The following ATP1B3 variants were observed in gnomAD, a reference collection of about 807,000 sequenced individuals.
ATP1B3 encodes the protein sodium/potassium-transporting ATPase subunit beta-3.
A neutral mutation model predicts 30.2 loss-of-function variants in ATP1B3; 10 were observed. The ratio of observed to expected loss-of-function variants is 0.33; its 90% confidence interval spans 0.20 to 0.56. ATP1B3 has a LOEUF of 0.56. ATP1B3 is among the 20% of genes least tolerant of loss of function. The pLI is 0.90. For missense variants in ATP1B3, 238 were observed against 336.7 expected (o/e 0.71, Z 2.29); for synonymous variants, 113 against 117.0 (o/e 0.97, Z 0.22).
intron 5 of ATP1B3, 78 bp downstream of exon 5, chr3:141,916,098 CT>C (rs929839673): frequency 8.0e-5 from 105 of 1,306,796 alleles, no homozygotes; most frequent in South Asian, 2.6e-4. Flanking sequence ...ATTTAGTCAT[CT>C]TTTTTTTCTT....
intron 6 of ATP1B3, among the ~76,000 whole-genome samples, chr3:141,923,140 T>G (rs112891578): frequency 6.6e-6 from 1 of 151,880 alleles, no homozygotes; most frequent in Non-Finnish European, 1.5e-5. Flanking sequence ...TAGCCGGGCA[T>G]AGTGGTGGGT....
chr3:141,894,141 C>T (rs1934013511), intron 1 of ATP1B3, among the ~76,000 whole-genome samples: 1 of 152,124 alleles, frequency 6.6e-6, no homozygotes, highest in African/African-American at 2.4e-5. Flanking sequence ...CTGTATAGGG[C>T]ACTGACCTTG....
intron 1 of ATP1B3, among the ~76,000 whole-genome samples, chr3:141,894,176 G>T (rs756631775): frequency 1.3e-5 from 2 of 152,188 alleles, no homozygotes; most frequent in Non-Finnish European, 2.9e-5. Flanking sequence ...GACTACAGTT[G>T]CAGTGAGTGA....
intron 1 of ATP1B3, among the ~76,000 whole-genome samples, chr3:141,885,100 A>G (rs887709922): frequency 2.6e-5 from 4 of 151,950 alleles, no homozygotes; most frequent in East Asian, 1.9e-4. Flanking sequence ...TATTGCTCCT[A>G]TTTTTGCAGT....
chr3:141,920,233 G>A (rs1468167405), intron 5 of ATP1B3, among the ~76,000 whole-genome samples: 4 of 152,098 alleles, frequency 2.6e-5, no homozygotes, highest in Non-Finnish European at 5.9e-5. Flanking sequence ...AGGCTTGTTA[G>A]GCCTAAAGGA....
At chr3:141,904,701 G>GTTTTTT (rs1576396012) in intron 2 of ATP1B3, among the ~76,000 whole-genome samples, 5 of 107,360 alleles carry the variant, frequency 4.7e-5, no homozygotes, top group Non-Finnish European at 9.9e-5. Context: ...TTTTTAAACA[G>GTTTTTT]TCTTTTTTTT....
At chr3:141,904,674 A>G (rs1033702707) in intron 2 of ATP1B3, among the ~76,000 whole-genome samples, 3 of 132,716 alleles carry the variant, frequency 2.3e-5, no homozygotes, top group Non-Finnish European at 3.3e-5. Context: ...CACATTTTCT[A>G]CCTCCTGATT....
Position 141,903,508 on chromosome 3 carries a change from A to T in ATP1B3, c.110-112A>T, listed in dbSNP as rs1934205541. ...GGATATTTGGCTATGTGCATGGCAA[A>T]GCTTGGGATCGTACCCTTGCAAGAA... is the stretch of plus-strand genomic sequence containing the variant. On this transcript the variant is annotated intron_variant, in intron 1 of 6. Transcript: ENST00000286371. The T allele has an allele frequency of 2.0e-6, 3 of 1,475,748 alleles. No homozygotes were observed. In the African/African-American group the frequency reaches 4.2e-5, roughly 21 times the overall value. The allele number at this position is 1,475,748 out of a possible 1,614,324, so 91.4% of individuals were successfully genotyped here. A position where few individuals can be genotyped will look rare whatever the true frequency, so the allele number is the denominator to read the frequency against.
chr3:141,922,952 C>T (rs111372835), intron 6 of ATP1B3, among the ~76,000 whole-genome samples: 11,387 of 151,284 alleles, frequency 0.075, 443 homozygotes, highest in Middle Eastern at 0.16. Flanking sequence ...GGCAACAGAG[C>T]GAGACTCTGT....
At chr3:141,894,345 A>T (rs908483904) in intron 1 of ATP1B3, among the ~76,000 whole-genome samples, 7 of 151,618 alleles carry the variant, frequency 4.6e-5, no homozygotes, top group Non-Finnish European at 1.0e-4. Flanking sequence ...TTTAATTGAG[A>T]TGGGGTCTTG....
intron 2 of ATP1B3, among the ~76,000 whole-genome samples, chr3:141,904,588 T>G (rs1004216688): frequency 6.6e-6 from 1 of 152,042 alleles, no homozygotes. Flanking sequence ...TATGTTTAAT[T>G]CTTCTTGATT....
chr3:141,924,105 A>T (rs1934612618), intron 6 of ATP1B3, among the ~76,000 whole-genome samples: 1 of 152,142 alleles, frequency 6.6e-6, no homozygotes, highest in Non-Finnish European at 1.5e-5. Context: ...GCACTTTGGG[A>T]GGCTGAGACA....
intron 1 of ATP1B3, among the ~76,000 whole-genome samples, chr3:141,889,770 C>T (rs867239490): frequency 0.033 from 4,355 of 132,744 alleles, 575 homozygotes; most frequent in African/African-American, 0.12. Flanking sequence ...CACACACACA[C>T]ACACACACAC....
chr3:141,886,255 C>T (rs146262117), intron 1 of ATP1B3, among the ~76,000 whole-genome samples: 8 of 152,126 alleles, frequency 5.3e-5, no homozygotes, highest in Non-Finnish European at 8.8e-5. Flanking sequence ...TGTAGCTACA[C>T]GGATGTATCT....
chr3:141,919,818 A>G (rs1032979574), intron 5 of ATP1B3, among the ~76,000 whole-genome samples: 5 of 152,104 alleles, frequency 3.3e-5, no homozygotes, highest in Non-Finnish European at 5.9e-5. Context: ...ATGTGCCTGT[A>G]ATCCCAGCTA....
At chr3:141,909,013 T>C (rs1313227546) in intron 3 of ATP1B3, among the ~76,000 whole-genome samples, 9 of 152,166 alleles carry the variant, frequency 5.9e-5, no homozygotes, top group Non-Finnish European at 1.3e-4. Flanking sequence ...TACTGTGTAC[T>C]CTCTCTTCTT....
At position 141,925,781 on chromosome 3, in the gene ATP1B3, T is replaced by C. The variant is rs1384800812; in HGVS notation, c.*80T>C. The C allele has an allele frequency of 2.0e-5, 30 of 1,499,128 alleles. No individual in the cohort carries two copies. The highest frequency in any genetic ancestry group is 2.5e-5 in the Non-Finnish European group (28 of 1,106,500). The allele number at this position is 1,499,128 out of a possible 1,614,324, so 92.9% of individuals were successfully genotyped here. A position where few individuals can be genotyped will look rare whatever the true frequency, so the allele number is the denominator to read the frequency against. The stretch of plus-strand genomic sequence containing the variant: ...AACAGCTGGACCTTCCATTCTAGAA[T>C]TATGAGACCACCTTGGAGAAAGGTG... On this transcript the variant is annotated 3_prime_UTR_variant, in exon 7 of 7. Coordinates refer to ENST00000286371, the MANE Select transcript of ATP1B3 (RefSeq NM_001679.4).
chr3:141,878,048 C>G (rs914735083), intron 1 of ATP1B3, among the ~76,000 whole-genome samples: 4 of 152,084 alleles, frequency 2.6e-5, no homozygotes, highest in African/African-American at 9.7e-5. Context: ...GAAATGGACT[C>G]CTTCAGGGTG....
intron 4 of ATP1B3, 144 bp downstream of exon 4, chr3:141,913,980 A>C (rs2288634): frequency 1.3e-6 from 1 of 742,460 alleles, no homozygotes; most frequent in Non-Finnish European, 2.1e-6. Context: ...AAAGACTAGC[A>C]GTAATGTTTA....
Sources: gnomAD v4.1 joint callset for allele counts (sites outside exome capture counted in the v4.1 genomes callset) on GRCh38, gnomAD v4.1.1 for gene constraint, MANE v1.5 for transcripts, NCBI Gene and HGNC (gene_info 2026-07-23, HGNC 2026-07-21) for gene names.